ZNF526: variants seen among roughly 807,000 people sequenced by gnomAD.
ZNF526 encodes zinc finger protein 526.
A neutral mutation model predicts 32.4 loss-of-function variants in ZNF526; 16 were observed. That is an observed-to-expected ratio of 0.49 (90% confidence interval 0.33 to 0.75). ZNF526 has a LOEUF of 0.75. Ranked by LOEUF, ZNF526 falls within the 30% of genes least tolerant of loss-of-function variation. The pLI, the probability that ZNF526 is intolerant of heterozygous loss-of-function variation, is 0.02. For missense variants in ZNF526, 838 were observed against 920.7 expected (o/e 0.91, Z 1.16); for synonymous variants, 355 against 363.4 (o/e 0.98, Z 0.26).
chr19:42,226,281 A>G lies in ZNF526; in HGVS notation c.1878A>G (p.Thr626=), dbSNP rs1392018098. ...PPEPQQTIMC[T]ELGETIAIIE... is the part of the protein sequence containing the mutation. ...AGCCTCAACAGACTATCATGTGCACAGAGCTGGGGGAGACCATCGCCATCA... is the reference window on the plus strand; with the variant it reads ...AGCCTCAACAGACTATCATGTGCACGGAGCTGGGGGAGACCATCGCCATCA... Residue 626 remains threonine (T), a synonymous_variant, in exon 3 of 3, where the codon ACA becomes ACG. Transcript: ENST00000301215. 1 of 1,614,112 alleles carries G rather than the reference A, an allele frequency of 6.2e-7. No homozygotes were observed. The highest frequency in any genetic ancestry group is 8.5e-7 in the Non-Finnish European group (1 of 1,180,022).
chr19:42,225,899 C>T lies in ZNF526; in HGVS notation c.1496C>T (p.Pro499Leu). Residue 499 changes from proline to leucine, a missense_variant, in exon 3 of 3, where the codon CCC (proline) becomes CTC (leucine). By Grantham distance (98) the Pro-to-Leu change is moderately conservative. Coordinates refer to ENST00000301215, the MANE Select transcript of ZNF526 (RefSeq NM_133444.3). ...NHLRTHTGER[P>L]FQCHSCGKTF... Reference sequence around the variant, plus strand: ...CTGCGGACACACACGGGTGAGAGGCCCTTCCAGTGCCACTCATGTGGCAAG... The same window carrying T: ...CTGCGGACACACACGGGTGAGAGGCTCTTCCAGTGCCACTCATGTGGCAAG... 6.2e-7 allele frequency: 1 copy of T among 1,614,180 alleles called. No individual in the cohort carries two copies. The highest frequency in any genetic ancestry group is 8.5e-7 in the Non-Finnish European group (1 of 1,180,042).
At chr19:42,224,112 T>C (rs1355704614) in intron 1 of ZNF526, 103 bp from the exon 2 acceptor site, 1 of 392,738 alleles carries the variant, frequency 2.5e-6, no homozygotes, top group South Asian at 2.2e-5. Flanking sequence ...TGAGCCAAGA[T>C]TGTGCCACTG....
At position 42,226,087 on chromosome 19, in the gene ZNF526, C is replaced by T; in HGVS notation, c.1684C>T (p.Leu562Phe). ...RPVAFARAPR[L>F]PITGLYNKSP... The stretch of plus-strand genomic sequence containing the variant: ...AGTCGCCTTTGCCCGCGCCCCCCGC[C>T]TCCCCATCACTGGTCTCTACAACAA... The change falls in exon 3 of 3, where the codon CTC (leucine) becomes TTC (phenylalanine). Residue 562 changes from leucine to phenylalanine, a missense_variant. Physicochemically the swap from Leu to Phe is conservative, Grantham distance 22. Coordinates refer to ENST00000301215, the MANE Select transcript of ZNF526 (RefSeq NM_133444.3). 3.1e-6 allele frequency: 5 copies of T among 1,606,462 alleles called. No individual in the cohort carries two copies. Among genetic ancestry groups the T allele is most frequent in the Non-Finnish European group, 4.2e-6 (5 of 1,179,996 alleles).
Position 42,225,037 on chromosome 19 carries a change from T to C in ZNF526, c.634T>C (p.Phe212Leu), listed in dbSNP as rs1168314231. Reference sequence around the variant, plus strand: ...TACCCTCTGCGCCACCCCTGAGGAGTTCTTGGAGCATCAGGGCACCCACTT... The same window carrying C: ...TACCCTCTGCGCCACCCCTGAGGAGCTCTTGGAGCATCAGGGCACCCACTT... ...CSTLCATPEEFLEHQGTHFDS... is the reference protein window; with the variant it reads ...CSTLCATPEELLEHQGTHFDS... Residue 212 changes from phenylalanine (F) to leucine (L), a missense_variant, in exon 3 of 3, where the codon TTC becomes CTC. Physicochemically the swap from Phe to Leu is conservative, Grantham distance 22. Transcript: ENST00000301215. 2.5e-6 allele frequency: 4 copies of C among 1,613,396 alleles called. No homozygotes were observed. In the Admixed American group the frequency reaches 5.0e-5, roughly 20 times the overall value.
intron 1 of ZNF526, among the ~76,000 whole-genome samples, chr19:42,223,228 G>A (rs961666848): frequency 2.6e-5 from 4 of 152,244 alleles, no homozygotes; most frequent in Non-Finnish European, 5.9e-5. Context: ...GGCTGGCTGG[G>A]CCGGGTGTGG....
At chr19:42,221,772 G>A (rs982496643) in intron 1 of ZNF526, among the ~76,000 whole-genome samples, 3 of 150,078 alleles carry the variant, frequency 2.0e-5, no homozygotes, top group African/African-American at 4.9e-5. Flanking sequence ...AGCCAAGATC[G>A]CACCACTGCA....
At position 42,225,708 on chromosome 19, in the gene ZNF526, C is replaced by CCCTGCCCCA. The variant is rs779502671; in HGVS notation, c.1313_1321dup (p.Pro438_Ala440dup). ...CGGAGCCCACCCCTCCACCACCACC[C>CCCTGCCCCA]CCTGCCCCACCTGCCCAGCTGCCCT... is the stretch of plus-strand genomic sequence containing the variant. On this transcript the variant is annotated inframe_insertion, in exon 3 of 3. Coordinates refer to ENST00000301215, the MANE Select transcript of ZNF526 (RefSeq NM_133444.3). The CCCTGCCCCA allele has an allele frequency of 1.9e-6, 3 of 1,612,142 alleles. No individual in the cohort carries two copies. In the Admixed American group the frequency reaches 5.0e-5, roughly 27 times the overall value.
intron 1 of ZNF526, among the ~76,000 whole-genome samples, chr19:42,223,336 A>G (rs924535638): frequency 6.6e-6 from 1 of 151,766 alleles, no homozygotes; most frequent in Non-Finnish European, 1.5e-5. Context: ...GTGAAACCCC[A>G]TCTCTACTAA....
In ZNF526 at chr19:42,224,661, G is replaced by A; in HGVS notation, c.258G>A (p.Glu86=). ...AGCACATGCTTGCTGTCTCAGAGGA[G>A]GAGGCACTGACCACACAGAATGTTG... ...QEQHMLAVSE[E]EALTTQNVGL... The change falls in exon 3 of 3, where the codon GAG becomes GAA. Residue 86 remains glutamate, a synonymous_variant. Transcript: ENST00000301215. 2 of 1,614,202 alleles carry A rather than the reference G, an allele frequency of 1.2e-6. No individual in the cohort carries two copies. The highest frequency in any genetic ancestry group is 4.5e-5 in the East Asian group (2 of 44,882).
Position 42,225,378 on chromosome 19 carries a change from G to A in ZNF526, c.975G>A (p.Arg325=). Residue 325 remains arginine (R), a synonymous_variant, in exon 3 of 3, where the codon CGG becomes CGA. Transcript: ENST00000301215. ...CCAACCGGCTGCAGGCTCATGGGCG[G>A]GCCCATGTTGGTGGCACACATGAGT... The part of the protein sequence containing the change: ...SSANRLQAHG[R]AHVGGTHECT... The A allele has an allele frequency of 6.2e-7, 1 of 1,613,988 alleles. No individual in the cohort carries two copies. The highest frequency in any genetic ancestry group is 8.5e-7 in the Non-Finnish European group (1 of 1,180,028).
chr19:42,224,176 A>C (rs1451533548), intron 1 of ZNF526, 39 bp from the exon 2 acceptor site: 16 of 537,886 alleles, frequency 3.0e-5, no homozygotes, highest in Non-Finnish European at 5.3e-5. Flanking sequence ...AAAAAAAAAA[A>C]AAAAAGAGGC....
At chr19:42,223,847 G>T (rs2036145423) in intron 1 of ZNF526, among the ~76,000 whole-genome samples, 1 of 147,400 alleles carries the variant, frequency 6.8e-6, no homozygotes, top group Admixed American at 6.8e-5. Flanking sequence ...AAGAGGCCGG[G>T]CTGTTGGCCG....
chr19:42,224,066 C>T (rs2036148346), intron 1 of ZNF526, 149 bp from the exon 2 acceptor site: 9 of 306,416 alleles, frequency 2.9e-5, no homozygotes, highest in South Asian at 2.6e-4. Flanking sequence ...GGCTGAGGCA[C>T]GAGAATAGCT....
Position 42,227,321 on chromosome 19 carries a change from G to A in ZNF526, c.*905G>A, listed in dbSNP as rs1292684977. 3 of 167,244 alleles carry A rather than the reference G, an allele frequency of 1.8e-5. No individual in the cohort carries two copies. Among genetic ancestry groups the A allele is most frequent in the African/African-American group, 7.2e-5 (3 of 41,460 alleles). The allele number at this position is 167,244 out of a possible 1,614,324, so 10.4% of individuals were successfully genotyped here. ...TTCCAGGCAGACAGCACTGCAAGAG[G>A]GTGAGCTCTTGGTGTATTTGGAGAC... On this transcript the variant is annotated 3_prime_UTR_variant, in exon 3 of 3. Transcript: ENST00000301215.
rs1298798709 is a variant in ZNF526, at chr19:42,225,052, G to C, written c.649G>C (p.Gly217Arg). The change falls in exon 3 of 3, where the codon GGC (glycine) becomes CGC (arginine). Residue 217 changes from glycine (G) to arginine (R), a missense_variant. Coordinates refer to ENST00000301215, the MANE Select transcript of ZNF526 (RefSeq NM_133444.3). ...CCCTGAGGAGTTCTTGGAGCATCAG[G>C]GCACCCACTTTGACTCCCTAGAGAA... ...ATPEEFLEHQ[G>R]THFDSLEKEE... 1.9e-6 allele frequency: 3 copies of C among 1,614,072 alleles called. No individual in the cohort carries two copies. The highest frequency in any genetic ancestry group is 2.5e-6 in the Non-Finnish European group (3 of 1,180,032).
At position 42,225,821 on chromosome 19, in the gene ZNF526, G is replaced by A. The variant is rs149858475; in HGVS notation, c.1418G>A (p.Arg473His). 3.5e-5 allele frequency: 56 copies of A among 1,613,728 alleles called. No individual in the cohort carries two copies. Among genetic ancestry groups the A allele is most frequent in the Non-Finnish European group, 4.3e-5 (51 of 1,179,994 alleles). The change falls in exon 3 of 3, where the codon CGC (arginine) becomes CAC (histidine). Residue 473 changes from arginine (R) to histidine (H), a missense_variant. Arg to His is a conservative substitution (Grantham distance 29, BLOSUM62 0). Coordinates refer to ENST00000301215, the MANE Select transcript of ZNF526 (RefSeq NM_133444.3). ...CACGGGCCCCCTGAACGGCGTCACCGCTGTGGGGTTTGTGGCAAGGGCTTC... is the reference window on the plus strand; with the variant it reads ...CACGGGCCCCCTGAACGGCGTCACCACTGTGGGGTTTGTGGCAAGGGCTTC... ...AVHGPPERRH[R>H]CGVCGKGFKK...
rs750543861 is a variant in ZNF526, at chr19:42,225,865, C to T, written c.1462C>T (p.Arg488Cys). 24 of 1,614,046 alleles carry T rather than the reference C, an allele frequency of 1.5e-5. No individual in the cohort carries two copies. The highest frequency in any genetic ancestry group is 1.2e-4 in the Admixed American group (7 of 60,016). ...GGGCTTCAAGAAGCTGATCCACGTG[C>T]GCAACCACCTGCGGACACACACGGG... is the stretch of plus-strand genomic sequence containing the variant. Reference protein sequence around the residue: ...GKGFKKLIHVRNHLRTHTGER... With the variant: ...GKGFKKLIHVCNHLRTHTGER... The change falls in exon 3 of 3, where the codon CGC becomes TGC. Residue 488 changes from arginine (R) to cysteine (C), a missense_variant. Arg to Cys is a radical substitution (Grantham distance 180, BLOSUM62 -3). Transcript: ENST00000301215.
chr19:42,221,764 C>G (rs2146926696), intron 1 of ZNF526, among the ~76,000 whole-genome samples: 1 of 151,800 alleles, frequency 6.6e-6, no homozygotes, highest in Non-Finnish European at 1.5e-5. Context: ...CCTCAGTGAG[C>G]CAAGATCGCA....
chr19:42,220,846 C>A (rs988731424), intron 1 of ZNF526, among the ~76,000 whole-genome samples: 3 of 152,208 alleles, frequency 2.0e-5, no homozygotes, highest in African/African-American at 7.2e-5. Flanking sequence ...TGGGTACCTG[C>A]TTTGTGCAAG....
Sources: allele counts gnomAD v4.1 joint callset (sites outside exome capture counted in the v4.1 genomes callset), GRCh38; gene constraint gnomAD v4.1.1; transcripts MANE v1.5; gene names NCBI Gene and HGNC (gene_info 2026-07-23, HGNC 2026-07-21).